The following FER variants were observed in gnomAD, a reference collection of about 807,000 sequenced individuals.
FER encodes tyrosine-protein kinase Fer.
FER carries 63 observed loss-of-function variants against 111.0 expected under a neutral mutation model. That is an observed-to-expected ratio of 0.57 (90% CI 0.46 to 0.70). The LOEUF (loss-of-function observed/expected upper bound fraction) is 0.70, where lower values mean the gene tolerates loss of function less well. Ranked by LOEUF, FER falls within the 30% of genes least tolerant of loss-of-function variation. The pLI is 0.00. For missense variants in FER, 914 were observed against 954.0 expected (o/e 0.96, Z 0.55); for synonymous variants, 327 against 313.9 (o/e 1.04, Z -0.44).
At chr5:109,007,516 A>T (rs1765657452) in intron 13 of FER, among the ~76,000 whole-genome samples, 1 of 152,194 alleles carries the variant, frequency 6.6e-6, no homozygotes, top group Admixed American at 6.5e-5. Context: ...ATATACAAGG[A>T]ATCGTACAGT....
At chr5:108,914,251 G>C (rs957521248) in intron 10 of FER, among the ~76,000 whole-genome samples, 1 of 152,008 alleles carries the variant, frequency 6.6e-6, no homozygotes, top group Non-Finnish European at 1.5e-5. Flanking sequence ...GTGTGTGTGT[G>C]TGTGTGTGTG....
intron 13 of FER, among the ~76,000 whole-genome samples, chr5:109,032,684 T>G (rs948155106): frequency 2.0e-5 from 3 of 152,210 alleles, no homozygotes; most frequent in African/African-American, 7.2e-5. Flanking sequence ...AAGTATTATT[T>G]GCTTAGGCAA....
intron 10 of FER, among the ~76,000 whole-genome samples, chr5:108,943,876 G>A (rs1000400393): frequency 2.0e-5 from 3 of 151,886 alleles, no homozygotes; most frequent in Admixed American, 6.6e-5. Flanking sequence ...TGGGACTAGA[G>A]GCACACGCTA....
At chr5:109,069,087 A>G (rs933656612) in intron 16 of FER, among the ~76,000 whole-genome samples, 2 of 152,154 alleles carry the variant, frequency 1.3e-5, no homozygotes, top group African/African-American at 2.4e-5. Flanking sequence ...AAAGAATGCT[A>G]TTAATGTGTA....
rs375515531 is a variant in FER at position 109,132,773 on chromosome 5, A to G, written c.2048+32254A>G. On this transcript the variant is annotated intron_variant, in intron 17 of 19. Transcript: ENST00000281092. ...ATGCTGACAATTTGGAATATAGCCC[A>G]GATGGCAGCACCTGGTGAAAAGGGA... Among the ~76,000 whole-genome samples, 10 of 152,298 alleles carry G rather than the reference A, an allele frequency of 6.6e-5. No homozygotes were observed. In the South Asian group the frequency reaches 2.1e-3, roughly 32 times the overall value.
chr5:108,753,529 C>T (rs1478747701), intron 1 of FER, among the ~76,000 whole-genome samples: 2 of 152,014 alleles, frequency 1.3e-5, no homozygotes, highest in African/African-American at 2.4e-5. Flanking sequence ...CCCTAAATTC[C>T]TTTCATTTAA....
chr5:109,052,448 A>G, intron 16 of FER: 1 of 1,288,582 alleles, frequency 7.8e-7, no homozygotes, highest in Non-Finnish European at 1.1e-6. Context: ...AAAGTGCTCC[A>G]GTCACGCATG....
At chr5:108,832,594 T>G (rs1007026721) in intron 3 of FER, among the ~76,000 whole-genome samples, 176 bp from the exon 4 acceptor site, 30 of 152,296 alleles carry the variant, frequency 2.0e-4, no homozygotes, top group Middle Eastern at 6.8e-3. Flanking sequence ...GTAGTTGAAG[T>G]TGAAGACGTT....
rs144241765 is a variant in FER, at chr5:109,047,107, T to C, written c.1833T>C (p.Ile611=). Residue 611 remains isoleucine (I), a synonymous_variant, in exon 16 of 20, where the codon ATT becomes ATC. Transcript: ENST00000281092. Reference sequence around the variant, plus strand: ...CGTATATTTTCATCTCATCTAGAATTCTCAAGCAATATGATCATCCCAATA... The same window carrying C: ...CGTATATTTTCATCTCATCTAGAATCCTCAAGCAATATGATCATCCCAATA... The part of the protein sequence containing the change: ...LKIKFLQEAK[I]LKQYDHPNIV... The C allele has an allele frequency of 3.8e-5, 59 of 1,548,946 alleles. No homozygotes were observed. The highest frequency in any genetic ancestry group is 5.0e-5 in the Non-Finnish European group (57 of 1,131,688).
chr5:109,037,423 A>G lies in FER; in HGVS notation c.1658A>G (p.Asp553Gly). 6.2e-7 allele frequency: 1 copy of G among 1,611,422 alleles called. No individual in the cohort carries two copies. Among genetic ancestry groups the G allele is most frequent in the Non-Finnish European group, 8.5e-7 (1 of 1,178,044 alleles). Residue 553 changes from aspartate to glycine, a missense_variant and splice_region_variant, in exon 14 of 20, where the codon GAC becomes GGC. Around this residue, in one of 3 missense-constraint regions of FER, gnomAD observed 774 missense variants for 782.6 expected, o/e 0.99. Coordinates refer to ENST00000281092, the MANE Select transcript of FER (RefSeq NM_005246.4). ...AACTGTTCTTATTCTTTGCTGTAGG[A>G]CAAGAAATGGATTCTCAGTCATGAA... ...GVVLLNPIPK[D>G]KKWILSHEDV...
intron 11 of FER, among the ~76,000 whole-genome samples, chr5:108,948,990 G>C (rs371945073): frequency 1.3e-5 from 2 of 151,878 alleles, no homozygotes; most frequent in East Asian, 3.9e-4. Context: ...TGTTGACATG[G>C]GTGCTATTTC....
chr5:108,830,990 A>G (rs1279281225), intron 3 of FER, among the ~76,000 whole-genome samples: 2 of 152,158 alleles, frequency 1.3e-5, no homozygotes, highest in East Asian at 3.9e-4. Flanking sequence ...TACTGAGGAC[A>G]ATATGGGGTT....
intron 17 of FER, among the ~76,000 whole-genome samples, chr5:109,149,995 T>C (rs77932120): frequency 0.11 from 15,983 of 152,120 alleles, 856 homozygotes; most frequent in Non-Finnish European, 0.12. Flanking sequence ...GAACTGCACA[T>C]GCGAGAGATC....
intron 1 of FER, among the ~76,000 whole-genome samples, chr5:108,752,802 TATTC>T (rs1750647224): frequency 6.6e-6 from 1 of 152,090 alleles, no homozygotes; most frequent in African/African-American, 2.4e-5. Context: ...ATTTTAAAAA[TATTC>T]ATATCAGACA....
chr5:108,862,887 G>T (rs970574654), intron 5 of FER, among the ~76,000 whole-genome samples: 32 of 151,922 alleles, frequency 2.1e-4, no homozygotes, highest in Admixed American at 2.0e-3. Flanking sequence ...ATGGGCCTCA[G>T]AAAAGGCAGC....
At chr5:108,953,665 A>T (rs921706831) in intron 11 of FER, among the ~76,000 whole-genome samples, 1 of 152,112 alleles carries the variant, frequency 6.6e-6, no homozygotes, top group Non-Finnish European at 1.5e-5. Flanking sequence ...CAAAATTACC[A>T]TACTTTGGCC....
At chr5:108,756,785 A>G (rs1025196456) in intron 1 of FER, among the ~76,000 whole-genome samples, 1 of 152,030 alleles carries the variant, frequency 6.6e-6, no homozygotes, top group African/African-American at 2.4e-5. Context: ...ACACACACAC[A>G]TTTTTTGTTT....
intron 13 of FER, among the ~76,000 whole-genome samples, chr5:109,032,183 A>C (rs2149865037): frequency 6.6e-6 from 1 of 152,164 alleles, no homozygotes; most frequent in East Asian, 1.9e-4. Context: ...TGGCAGACTG[A>C]GAGAAAGTTT....
At chr5:108,811,937 C>G (rs1028053947) in intron 3 of FER, among the ~76,000 whole-genome samples, 1 of 151,652 alleles carries the variant, frequency 6.6e-6, no homozygotes, top group Non-Finnish European at 1.5e-5. Context: ...GGTGGATCTT[C>G]TTTACTCAGT....
Sources: allele counts gnomAD v4.1 joint callset (sites outside exome capture counted in the v4.1 genomes callset), GRCh38; gene constraint gnomAD v4.1.1; regional missense constraint gnomAD v4.1.1; transcripts MANE v1.5; gene names NCBI Gene and HGNC (gene_info 2026-07-23, HGNC 2026-07-21).